C10orf90: variants seen among roughly 807,000 people sequenced by gnomAD.
The protein encoded by C10orf90 is chromosome 10 open reading frame 90.
Under a neutral mutation model 62.5 loss-of-function variants are expected in C10orf90, and 56 were observed. That is an observed-to-expected ratio of 0.90 (90% CI 0.72 to 1.12). The LOEUF (loss-of-function observed/expected upper bound fraction) is 1.12, where lower values mean the gene tolerates loss of function less well. Among genes scored for constraint, C10orf90 ranks in the 50% most tolerant of loss-of-function variants. The pLI is 0.00. For synonymous variants in C10orf90, 386 were observed against 340.4 expected (o/e 1.13, Z -1.47); for missense variants, 970 against 880.4 (o/e 1.10, Z -1.29).
intron 2 of C10orf90, among the ~76,000 whole-genome samples, chr10:126,564,679 G>C (rs949087700): frequency 4.8e-5 from 7 of 146,400 alleles, no homozygotes; most frequent in African/African-American, 1.8e-4. Flanking sequence ...GACTGGCTTT[G>C]GGCTTCCTTC....
At chr10:126,554,001 T>G (rs1212767996) in intron 2 of C10orf90, among the ~76,000 whole-genome samples, 1 of 152,050 alleles carries the variant, frequency 6.6e-6, no homozygotes, top group Admixed American at 6.6e-5. Context: ...ATGTAGCCAT[T>G]CTACTTCTAG....
intron 2 of C10orf90, among the ~76,000 whole-genome samples, chr10:126,579,245 A>C (rs2134013404): frequency 6.8e-6 from 1 of 146,614 alleles, no homozygotes; most frequent in Admixed American, 6.9e-5. Flanking sequence ...CAAGCATTTT[A>C]CAAATCTATA....
chr10:126,565,231 T>TTATGTAATATAATATTATATTACATAA (rs1844333485), intron 2 of C10orf90, among the ~76,000 whole-genome samples: 3 of 33,028 alleles, frequency 9.1e-5, no homozygotes, highest in African/African-American at 2.9e-4. Flanking sequence ...ATATTACATA[T>TTATGTAATATAATATTATATTACATAA]TATGTAATAT....
intron 7 of C10orf90, among the ~76,000 whole-genome samples, chr10:126,445,048 C>G (rs1858664293): frequency 6.6e-6 from 1 of 152,142 alleles, no homozygotes; most frequent in South Asian, 2.1e-4. Flanking sequence ...AATCTAAGAC[C>G]TGAAACTGTA....
chr10:126,493,608 G>A (rs1291185083), intron 4 of C10orf90, among the ~76,000 whole-genome samples: 1 of 151,906 alleles, frequency 6.6e-6, no homozygotes, highest in Non-Finnish European at 1.5e-5. Flanking sequence ...CGCCCACCTC[G>A]GCCTCACAAA....
intron 2 of C10orf90, among the ~76,000 whole-genome samples, chr10:126,565,304 A>C (rs1232115015): frequency 6.1e-5 from 4 of 65,444 alleles, no homozygotes; most frequent in African/African-American, 2.7e-4. Flanking sequence ...TTTATATTAT[A>C]TATTATATTA....
At chr10:126,480,223 C>G (rs1861098913) in intron 4 of C10orf90, among the ~76,000 whole-genome samples, 1 of 152,156 alleles carries the variant, frequency 6.6e-6, no homozygotes, top group African/African-American at 2.4e-5. Context: ...CATACTTTTA[C>G]AGTAACGTTT....
chr10:126,536,511 AG>A (rs1437256730), intron 2 of C10orf90, among the ~76,000 whole-genome samples: 1 of 152,196 alleles, frequency 6.6e-6, no homozygotes, highest in African/African-American at 2.4e-5. Context: ...AGAGAAGCAC[AG>A]GGTTGGAGCA....
intron 4 of C10orf90, among the ~76,000 whole-genome samples, chr10:126,501,274 G>A (rs1862365831): frequency 6.6e-6 from 1 of 152,214 alleles, no homozygotes; most frequent in African/African-American, 2.4e-5. Flanking sequence ...GAGTCAATGA[G>A]CTGTGCTGGT....
At position 126,504,079 on chromosome 10, in the gene C10orf90, G is replaced by T. The variant is rs1223732215; in HGVS notation, c.1412C>A (p.Ala471Glu). Reference sequence around the variant, plus strand: ...AGTGACTTGGTTAGCTCCCACATTTGCCAATTCTGTGTTTTCCAATGGAAA... The same window carrying T: ...AGTGACTTGGTTAGCTCCCACATTTTCCAATTCTGTGTTTTCCAATGGAAA... ...GSFPLENTEL[A>E]NVGANQVTVR... The change falls in exon 4 of 10, where the codon GCA becomes GAA. Residue 471 changes from alanine (A) to glutamate (E), a missense_variant. Transcript: ENST00000488181. The surrounding 1 kb of genome is among the most constrained non-coding windows in gnomAD (Gnocchi z 4.1). 2 of 1,614,030 alleles carry T rather than the reference G, an allele frequency of 1.2e-6. No individual in the cohort carries two copies. Among genetic ancestry groups the T allele is most frequent in the Non-Finnish European group, 1.7e-6 (2 of 1,180,018 alleles).
chr10:126,606,179 A>G (rs1439377240), intron 2 of C10orf90, among the ~76,000 whole-genome samples: 1 of 152,230 alleles, frequency 6.6e-6, no homozygotes, highest in Non-Finnish European at 1.5e-5. Context: ...CTTCCAAGAC[A>G]ATACCCTCAG....
At chr10:126,612,845 G>A (rs895460825) in intron 2 of C10orf90, among the ~76,000 whole-genome samples, 50 of 152,290 alleles carry the variant, frequency 3.3e-4, no homozygotes, top group African/African-American at 1.1e-3. Flanking sequence ...CATATGAGCT[G>A]TTAAAAATTA....
At chr10:126,471,338 G>A (rs943737551) in intron 4 of C10orf90, among the ~76,000 whole-genome samples, 3 of 152,202 alleles carry the variant, frequency 2.0e-5, no homozygotes, top group Admixed American at 1.3e-4. Context: ...TCCTACAAAT[G>A]CCTTTCTAGA....
At chr10:126,444,705 C>G (rs529238772) in intron 7 of C10orf90, among the ~76,000 whole-genome samples, 8 of 152,102 alleles carry the variant, frequency 5.3e-5, no homozygotes, top group Non-Finnish European at 8.8e-5. Flanking sequence ...AAAGAGCCCA[C>G]ATAGCCAAAC....
chr10:126,502,173 G>A (rs1207718574), intron 4 of C10orf90, among the ~76,000 whole-genome samples: 1 of 151,704 alleles, frequency 6.6e-6, no homozygotes, highest in African/African-American at 2.4e-5. Context: ...CTTGGGTGAC[G>A]GGTGCCCTAA....
chr10:126,467,394 G>A (rs79444940), intron 4 of C10orf90, among the ~76,000 whole-genome samples: 286 of 152,306 alleles, frequency 1.9e-3, no homozygotes, highest in Middle Eastern at 6.8e-3. Context: ...AGGACAAGGC[G>A]GCATGTGTGC....
At chr10:126,506,666 G>A (rs549609348) in intron 3 of C10orf90, among the ~76,000 whole-genome samples, 2 of 152,334 alleles carry the variant, frequency 1.3e-5, no homozygotes, top group East Asian at 1.9e-4. Context: ...TGATGTAGGT[G>A]ATCTGGGTCA....
rs143634799 is a variant in C10orf90, at chr10:126,636,418, G to A, written c.313+10147C>T. On this transcript the variant is annotated intron_variant, in intron 2 of 9. Coordinates refer to ENST00000488181, the MANE Select transcript of C10orf90 (RefSeq NM_001350921.2). ...AGGCAAGCAGGTTAGGAGGTAATTC[G>A]TTCCAAAAAAAAGATGCTGTATGAT... Among the ~76,000 whole-genome samples the A allele has an allele frequency of 3.7e-3, 565 of 152,082 alleles. 2 individuals carry two copies. The highest frequency in any genetic ancestry group is 6.3e-3 in the Non-Finnish European group (429 of 67,978).
intron 2 of C10orf90, among the ~76,000 whole-genome samples, chr10:126,558,839 T>C (rs565141650): frequency 2.0e-5 from 3 of 152,322 alleles, no homozygotes; most frequent in East Asian, 3.9e-4. Context: ...GTACTCTGGA[T>C]CCCCAGGGCC....
Sources: allele counts gnomAD v4.1 joint callset (sites outside exome capture counted in the v4.1 genomes callset), GRCh38; gene constraint gnomAD v4.1.1; non-coding constraint Gnocchi (gnomAD v3.1); transcripts MANE v1.5; gene names NCBI Gene and HGNC (gene_info 2026-07-23, HGNC 2026-07-21).